Variants in DARS1 observed in about 807,000 individuals in gnomAD.
DARS1 encodes aspartate--tRNA ligase, cytoplasmic.
Under a neutral mutation model 68.8 loss-of-function variants are expected in DARS1, and 51 were observed. That is an observed-to-expected ratio of 0.74 (90% CI 0.59 to 0.94). The LOEUF is 0.94. Ranked by LOEUF, DARS1 falls within the 40% of genes least tolerant of loss-of-function variation. The pLI, the probability that DARS1 is intolerant of heterozygous loss-of-function variation, is 0.00. For synonymous variants in DARS1, 203 were observed against 190.4 expected, an observed-to-expected ratio of 1.07 and a Z score of -0.55; for missense variants, 607 against 597.3, an observed-to-expected ratio of 1.02 and a Z score of -0.17.
chr2:135,967,560 A>G (rs1370330285), intron 3 of DARS1, among the ~76,000 whole-genome samples: 6 of 152,214 alleles, frequency 3.9e-5, no homozygotes, highest in African/African-American at 1.4e-4. Context: ...CACTTTAGGG[A>G]TGTTATATAT....
At chr2:135,911,358 C>T (rs368491116) in intron 14 of DARS1, 24 bp downstream of exon 14, 5 of 871,750 alleles carry the variant, frequency 5.7e-6, no homozygotes, top group African/African-American at 4.9e-5. Context: ...TATACACTCC[C>T]CTAAATTATT....
intron 3 of DARS1, among the ~76,000 whole-genome samples, chr2:135,962,730 T>C (rs910481397): frequency 2.0e-5 from 3 of 152,088 alleles, no homozygotes; most frequent in African/African-American, 7.2e-5. Context: ...CAAAGTAAAA[T>C]CCTAAAAAAC....
At chr2:135,969,941 A>C (rs997390984) in intron 3 of DARS1, among the ~76,000 whole-genome samples, 3 of 152,184 alleles carry the variant, frequency 2.0e-5, no homozygotes, top group African/African-American at 7.2e-5. Context: ...ATTAACACTT[A>C]ACTCATGGCC....
chr2:135,940,195 G>A (rs545772542), intron 5 of DARS1, among the ~76,000 whole-genome samples: 169 of 152,164 alleles, frequency 1.1e-3, no homozygotes, highest in South Asian at 3.7e-3. Flanking sequence ...GCCTGGCAGA[G>A]ACATAACAAA....
chr2:135,909,010 A>G (rs1047481585), intron 15 of DARS1, among the ~76,000 whole-genome samples: 15 of 152,302 alleles, frequency 9.8e-5, no homozygotes, highest in Middle Eastern at 6.8e-3. Context: ...GGAAGCCATT[A>G]TCCTCAGCAA....
intron 11 of DARS1, among the ~76,000 whole-genome samples, chr2:135,915,580 C>T (rs1680988650): frequency 6.6e-6 from 1 of 152,086 alleles, no homozygotes; most frequent in Non-Finnish European, 1.5e-5. Context: ...AGCCACCATG[C>T]CCAGCCTCAA....
intron 12 of DARS1, among the ~76,000 whole-genome samples, 189 bp from the exon 13 acceptor site, chr2:135,912,755 C>A (rs575109117): frequency 6.6e-6 from 1 of 151,698 alleles, no homozygotes; most frequent in South Asian, 2.1e-4. Flanking sequence ...GTCATAAATT[C>A]TTGCAATACC....
rs1303305849 is a variant in DARS1, at chr2:135,985,521, G to A, written c.-53C>T. 1 of 1,613,394 alleles carries A rather than the reference G, an allele frequency of 6.2e-7. No individual in the cohort carries two copies. Among genetic ancestry groups the A allele is most frequent in the Non-Finnish European group, 8.5e-7 (1 of 1,179,800 alleles). Reference sequence around the variant, plus strand: ...CACCCTCCCTCGCAGGCTTCCGTAAGGCAGGCCAAAGGGGCTTCTCCCTCC... The same window carrying A: ...CACCCTCCCTCGCAGGCTTCCGTAAAGCAGGCCAAAGGGGCTTCTCCCTCC... On this transcript the variant is annotated 5_prime_UTR_variant, in exon 1 of 16. Transcript: ENST00000264161.
chr2:135,947,849 A>C (rs946763274), intron 4 of DARS1, among the ~76,000 whole-genome samples: 1 of 151,952 alleles, frequency 6.6e-6, no homozygotes, highest in Admixed American at 6.6e-5. Flanking sequence ...AAAAAACAAC[A>C]ACAACTGAAA....
At position 135,912,469 on chromosome 2, in the gene DARS1, A is replaced by G. The variant is rs369649828; in HGVS notation, c.1230+17T>C. ...CCTTCTGCCTCAAAATGGGTTACTTAAAACCAAATTACTTACGGGATTTCT... is the reference window on the plus strand; with the variant it reads ...CCTTCTGCCTCAAAATGGGTTACTTGAAACCAAATTACTTACGGGATTTCT... On this transcript the variant is annotated intron_variant, in intron 13 of 15. Transcript: ENST00000264161. 4.7e-5 allele frequency: 42 copies of G among 900,468 alleles called. No individual in the cohort carries two copies. The Middle Eastern group carries it at 6.5e-4, about 14-fold the overall frequency. The allele number at this position is 900,468 out of a possible 1,614,324, so 55.8% of individuals were successfully genotyped here. A position where few individuals can be genotyped will look rare whatever the true frequency, so the allele number is the denominator to read the frequency against.
At chr2:135,941,302 C>A (rs1249200868) in intron 5 of DARS1, among the ~76,000 whole-genome samples, 1 of 152,174 alleles carries the variant, frequency 6.6e-6, no homozygotes, top group East Asian at 1.9e-4. Flanking sequence ...GGTACTGGTA[C>A]CAAAACAGAT....
chr2:135,940,362 A>G (rs1033946156), intron 5 of DARS1, among the ~76,000 whole-genome samples: 1 of 152,238 alleles, frequency 6.6e-6, no homozygotes, highest in African/African-American at 2.4e-5. Flanking sequence ...AACATATGCA[A>G]ATCAATAAAC....
intron 15 of DARS1, chr2:135,910,734 T>C (rs1428996885): frequency 6.5e-6 from 1 of 153,110 alleles, no homozygotes; most frequent in Non-Finnish European, 1.5e-5. Context: ...CAAAGATGAG[T>C]TAAATATTTG....
intron 4 of DARS1, among the ~76,000 whole-genome samples, chr2:135,955,802 C>A (rs1681959853): frequency 6.7e-6 from 1 of 148,520 alleles, no homozygotes; most frequent in African/African-American, 2.5e-5. Context: ...ACTACAGGCT[C>A]ACACCACCAT....
intron 11 of DARS1, 182 bp from the exon 12 acceptor site, chr2:135,914,693 G>A: frequency 1.7e-6 from 1 of 574,436 alleles, no homozygotes; most frequent in Non-Finnish European, 3.2e-6. Context: ...AGTATACCTT[G>A]GTACAGTGAC....
intron 3 of DARS1, among the ~76,000 whole-genome samples, chr2:135,962,337 G>A (rs1329000661): frequency 1.3e-5 from 2 of 152,086 alleles, no homozygotes; most frequent in Non-Finnish European, 2.9e-5. Context: ...TTAAGTCTCT[G>A]ATCAAATTCT....
intron 3 of DARS1, among the ~76,000 whole-genome samples, chr2:135,978,142 C>CAAAAAAAAAAAAAAAAAAAAAAAAAAA (rs59505882): frequency 1.8e-5 from 1 of 54,736 alleles, no homozygotes; most frequent in Non-Finnish European, 3.5e-5. Context: ...GACTCTGTCT[C>CAAAAAAAAAAAAAAAAAAAAAAAAAAA]AAAAAAAAAA....
chr2:135,947,441 G>C (rs1277553433), intron 4 of DARS1, among the ~76,000 whole-genome samples: 3 of 150,810 alleles, frequency 2.0e-5, no homozygotes, highest in Admixed American at 6.6e-5. Context: ...AGAAAAAAGA[G>C]AAAAAAGAAA....
At chr2:135,924,291 C>T (rs1681167120) in intron 8 of DARS1, 96 bp downstream of exon 8, 2 of 1,334,248 alleles carry the variant, frequency 1.5e-6, no homozygotes, top group Non-Finnish European at 9.9e-7. Flanking sequence ...TTAATGGACA[C>T]TTGGGATTCT....
Sources: allele counts gnomAD v4.1 joint callset (sites outside exome capture counted in the v4.1 genomes callset), GRCh38; gene constraint gnomAD v4.1.1; transcripts MANE v1.5; gene names NCBI Gene and HGNC (gene_info 2026-07-23, HGNC 2026-07-21).